The following JAK1 variants were observed in gnomAD, a reference collection of about 807,000 sequenced individuals.
JAK1 encodes the protein tyrosine-protein kinase JAK1.
Under a neutral mutation model 136.6 loss-of-function variants are expected in JAK1, and 16 were observed. The observed-to-expected ratio is 0.12, with a 90% CI of 0.08 to 0.18. The LOEUF (loss-of-function observed/expected upper bound fraction) is 0.18, where lower values mean the gene tolerates loss of function less well. Among genes scored for constraint, JAK1 ranks in the 10% least tolerant of loss-of-function variants. The probability of loss-of-function intolerance (pLI) is 1.00; values close to 1 mark genes in which losing one functional copy is unlikely to be tolerated. For synonymous variants in JAK1, 492 were observed against 519.5 expected, an observed-to-expected ratio of 0.95 and a Z score of 0.72; for missense variants, 859 against 1,450.1, an observed-to-expected ratio of 0.59 and a Z score of 6.62.
intron 20 of JAK1, among the ~76,000 whole-genome samples, chr1:64,839,106 A>T (rs1465270839): frequency 1.2e-4 from 17 of 136,196 alleles, no homozygotes; most frequent in Admixed American, 7.3e-4. Context: ...AGATTGCGCC[A>T]CTGCAGTCCA....
intron 2 of JAK1, chr1:64,991,646 A>G (rs1646657964): frequency 6.6e-6 from 1 of 152,262 alleles, no homozygotes; most frequent in Admixed American, 6.5e-5. Context: ...AAGAAAGAGC[A>G]TCCAAATGGG....
chr1:65,037,048 TG>T, intron 2 of JAK1, among the ~76,000 whole-genome samples: 1 of 152,156 alleles, frequency 6.6e-6, no homozygotes, highest in Non-Finnish European at 1.5e-5. Flanking sequence ...TAGCAGGGCG[TG>T]GTAGCACATA....
At chr1:64,953,846 C>A (rs950755144) in intron 1 of JAK1, among the ~76,000 whole-genome samples, 4 of 151,632 alleles carry the variant, frequency 2.6e-5, no homozygotes, top group African/African-American at 9.7e-5. Flanking sequence ...TTCTTTTTTT[C>A]GTATTTTTAG....
At chr1:64,887,191 C>G (rs2101315419) in intron 1 of JAK1, among the ~76,000 whole-genome samples, 1 of 152,252 alleles carries the variant, frequency 6.6e-6, no homozygotes, top group South Asian at 2.1e-4. Flanking sequence ...CAAGGGCTGG[C>G]TTGGGAAGGC....
At chr1:64,966,921 T>C (rs1359252912), upstream of JAK1, among the ~76,000 whole-genome samples, 2 of 152,036 alleles carry the variant, frequency 1.3e-5, no homozygotes, top group East Asian at 3.9e-4. Flanking sequence ...GCCTCCTCCG[T>C]ATACGCTCCG....
intron 1 of JAK1, among the ~76,000 whole-genome samples, chr1:64,892,247 T>C (rs545167740): frequency 6.7e-6 from 1 of 150,172 alleles, no homozygotes; most frequent in Non-Finnish European, 1.5e-5. Flanking sequence ...CATGGCGGGG[T>C]GGGGAGAATG....
rs767652390 is a variant in JAK1 at position 64,834,625 on chromosome 1, G to C, written c.3402C>G (p.Phe1134Leu). 12 of 1,612,026 alleles carry C rather than the reference G, an allele frequency of 7.4e-6. No individual in the cohort carries two copies. The African/African-American group carries it at 1.5e-4, about 20-fold the overall frequency. The change falls in exon 25 of 25, where the codon TTC (phenylalanine) becomes TTG (leucine). Residue 1134 changes from phenylalanine to leucine, a missense_variant. Physicochemically the swap from Phe to Leu is conservative, Grantham distance 22 (BLOSUM62 0). Coordinates refer to ENST00000342505, the MANE Select transcript of JAK1 (RefSeq NM_002227.4). Reference protein sequence around the residue: ...VYQLMRKCWEFQPSNRTSFQN... With the variant: ...VYQLMRKCWELQPSNRTSFQN... ...GAAAGCTTGTCCGATTGGATGGTTG[G>C]AATTCCCAGCATTTCCTCATAAGTT...
At chr1:64,893,844 C>G (rs918167871) in intron 1 of JAK1, among the ~76,000 whole-genome samples, 6 of 152,172 alleles carry the variant, frequency 3.9e-5, no homozygotes, top group Non-Finnish European at 5.9e-5. Flanking sequence ...GATAAGTCAT[C>G]TGACAAAGCT....
At chr1:64,955,904 C>G (rs1454341617) in intron 1 of JAK1, among the ~76,000 whole-genome samples, 1 of 152,238 alleles carries the variant, frequency 6.6e-6, no homozygotes, top group East Asian at 1.9e-4. Context: ...TAGTCTAAGG[C>G]AGGGGGCAGC....
chr1:64,942,613 G>A (rs978911489), intron 1 of JAK1, among the ~76,000 whole-genome samples: 3 of 152,254 alleles, frequency 2.0e-5, no homozygotes, highest in South Asian at 4.1e-4. Context: ...GTTAGTTCAA[G>A]TATTCAACAT....
At chr1:64,910,843 C>CAA (rs369528546) in intron 1 of JAK1, among the ~76,000 whole-genome samples, 54 of 89,286 alleles carry the variant, frequency 6.0e-4, no homozygotes, top group Middle Eastern at 0.013. Context: ...GACTCTGTCT[C>CAA]AAAAAAAAAA....
At chr1:64,837,534 A>G (rs1193660833) in intron 22 of JAK1, among the ~76,000 whole-genome samples, 1 of 152,160 alleles carries the variant, frequency 6.6e-6, no homozygotes, top group Non-Finnish European at 1.5e-5. Context: ...AGTTCCCTGA[A>G]TCTGCAATGC....
intron 1 of JAK1, among the ~76,000 whole-genome samples, chr1:65,050,010 C>G (rs533929576): frequency 2.6e-5 from 4 of 152,172 alleles, no homozygotes; most frequent in Non-Finnish European, 5.9e-5. Context: ...TGAAATGACA[C>G]CTTTTGAAAA....
intron 2 of JAK1, among the ~76,000 whole-genome samples, chr1:65,001,248 T>C (rs532250099): frequency 1.3e-5 from 2 of 152,354 alleles, no homozygotes; most frequent in East Asian, 3.9e-4. Flanking sequence ...TTCATAATTT[T>C]GGACATTCCA....
At chr1:64,910,923 C>T (rs1204699366) in intron 1 of JAK1, among the ~76,000 whole-genome samples, 1 of 151,016 alleles carries the variant, frequency 6.6e-6, no homozygotes, top group East Asian at 1.9e-4. Flanking sequence ...ACAAACTGTA[C>T]TCTTCATTTT....
At chr1:64,862,385 T>C (rs905276125) in intron 8 of JAK1, among the ~76,000 whole-genome samples, 8 of 152,174 alleles carry the variant, frequency 5.3e-5, no homozygotes, top group African/African-American at 9.7e-5. Context: ...TACTCACCCA[T>C]AGGGTTGACA....
chr1:64,990,324 A>C (rs1327308298), intron 2 of JAK1: 1 of 152,240 alleles, frequency 6.6e-6, no homozygotes, highest in Non-Finnish European at 1.5e-5. Context: ...AACAAACAAA[A>C]AAACCCCACT....
rs533844242 is a variant in JAK1, at chr1:64,985,297, G to A, written c.-78+59183C>T. On this transcript the variant is annotated intron_variant, in intron 2 of 25. Transcript: ENST00000671954. ...ATGATGGAAATGATGATGGGCTGTC[G>A]GTAGCTGGATACTCTAAAGAGCTCC... 8.2e-4 allele frequency: 1,320 copies of A among 1,609,954 alleles called. 1 individual carries two copies. The highest frequency in any genetic ancestry group is 1.1e-3 in the Non-Finnish European group (1,262 of 1,176,606).
chr1:64,987,954 A>G (rs1373414513), intron 2 of JAK1, among the ~76,000 whole-genome samples: 2 of 152,152 alleles, frequency 1.3e-5, no homozygotes, highest in East Asian at 3.9e-4. Flanking sequence ...TTCTTATTTT[A>G]TTCATTTTGT....
Sources: allele counts gnomAD v4.1 joint callset (sites outside exome capture counted in the v4.1 genomes callset), GRCh38; gene constraint gnomAD v4.1.1; transcripts MANE v1.5; gene names NCBI Gene and HGNC (gene_info 2026-07-23, HGNC 2026-07-21).